PPFIA2: variants seen among roughly 807,000 people sequenced by gnomAD.
PPFIA2 encodes liprin-alpha-2.
PPFIA2 carries 46 observed loss-of-function variants against 175.5 expected under a neutral mutation model. The observed-to-expected ratio is 0.26, with a 90% CI of 0.21 to 0.34. The LOEUF is 0.34. Among genes scored for constraint, PPFIA2 ranks in the 10% least tolerant of loss-of-function variants. PPFIA2 has a pLI of 1.00. For synonymous variants in PPFIA2, 568 were observed against 511.4 expected (o/e 1.11, Z -1.49); for missense variants, 1,179 against 1,506.1 (o/e 0.78, Z 3.60).
At chr12:81,292,527 A>G (rs1050177102) in intron 24 of PPFIA2, 4 of 152,142 alleles carry the variant, frequency 2.6e-5, no homozygotes, top group African/African-American at 9.7e-5. Context: ...AATGAATAGT[A>G]AATATAATTT....
At chr12:81,673,047 TA>T (rs1408165725) in intron 4 of PPFIA2, among the ~76,000 whole-genome samples, 1 of 152,000 alleles carries the variant, frequency 6.6e-6, no homozygotes, top group African/African-American at 2.4e-5. Flanking sequence ...TCACTAAACT[TA>T]ACTCGTATGG....
chr12:81,642,664 T>G (rs570650027), intron 4 of PPFIA2, among the ~76,000 whole-genome samples: 31 of 113,820 alleles, frequency 2.7e-4, no homozygotes, highest in South Asian at 2.8e-4. Context: ...GTATCTATTA[T>G]ATACATACAT....
intron 8 of PPFIA2, among the ~76,000 whole-genome samples, chr12:81,387,027 T>A (rs17008471): frequency 0.35 from 53,409 of 151,728 alleles, 10,173 homozygotes; most frequent in East Asian, 0.53. Context: ...TCAATGCCCC[T>A]TGTATGTCAT....
intron 8 of PPFIA2, among the ~76,000 whole-genome samples, chr12:81,390,384 A>T (rs915195583): frequency 1.3e-5 from 2 of 152,030 alleles, no homozygotes; most frequent in Non-Finnish European, 1.5e-5. Context: ...ACCATTGTAC[A>T]TTCCTACCAG....
intron 4 of PPFIA2, among the ~76,000 whole-genome samples, chr12:81,626,403 A>G (rs940888953): frequency 6.6e-6 from 1 of 152,068 alleles, no homozygotes; most frequent in East Asian, 1.9e-4. Context: ...TCATCCAAAT[A>G]TAATTGCATG....
intron 9 of PPFIA2, among the ~76,000 whole-genome samples, chr12:81,383,432 A>C (rs2038208659): frequency 6.6e-6 from 1 of 152,072 alleles, no homozygotes; most frequent in African/African-American, 2.4e-5. Flanking sequence ...AACATCTCCT[A>C]GTATTTTTTT....
intron 3 of PPFIA2, among the ~76,000 whole-genome samples, chr12:81,705,297 T>C (rs1322788735): frequency 2.1e-5 from 3 of 145,624 alleles, no homozygotes; most frequent in Admixed American, 2.1e-4. Flanking sequence ...TACTAAAGAA[T>C]ACAAAAAAAT....
chr12:81,386,074 A>G (rs1275602554), intron 8 of PPFIA2, among the ~76,000 whole-genome samples: 2 of 151,620 alleles, frequency 1.3e-5, no homozygotes, highest in Admixed American at 1.3e-4. Flanking sequence ...GATGAATTTG[A>G]GACCAGCCTG....
chr12:81,458,572 T>C (rs1006118723), intron 4 of PPFIA2, among the ~76,000 whole-genome samples: 4 of 152,112 alleles, frequency 2.6e-5, no homozygotes, highest in Non-Finnish European at 5.9e-5. Flanking sequence ...TACAAAAAAA[T>C]TGGGGATTCT....
chr12:81,582,296 C>T (rs2074534748), intron 4 of PPFIA2, among the ~76,000 whole-genome samples: 2 of 151,852 alleles, frequency 1.3e-5, no homozygotes, highest in Admixed American at 6.6e-5. Flanking sequence ...TTCTTTTCCT[C>T]AGACTACATA....
At chr12:81,479,916 G>A (rs748812941) in intron 4 of PPFIA2, among the ~76,000 whole-genome samples, 15 of 152,054 alleles carry the variant, frequency 9.9e-5, no homozygotes, top group Non-Finnish European at 2.1e-4. Context: ...GTCTCTTTGT[G>A]TTGTTCTCTG....
At chr12:81,629,687 T>C (rs1447632824) in intron 4 of PPFIA2, among the ~76,000 whole-genome samples, 1 of 152,116 alleles carries the variant, frequency 6.6e-6, no homozygotes, top group African/African-American at 2.4e-5. Context: ...TGAGGACACT[T>C]GTCACAGAAC....
At chr12:81,390,413 A>G (rs2039902217) in intron 8 of PPFIA2, among the ~76,000 whole-genome samples, 1 of 151,968 alleles carries the variant, frequency 6.6e-6, no homozygotes, top group African/African-American at 2.4e-5. Context: ...GAGAGTTCTA[A>G]TTTTCCACAT....
intron 3 of PPFIA2, among the ~76,000 whole-genome samples, chr12:81,745,881 C>A (rs1386700281): frequency 3.3e-5 from 5 of 152,202 alleles, no homozygotes; most frequent in Non-Finnish European, 7.3e-5. Flanking sequence ...TCTCACTTGG[C>A]TAAGGTGAGC....
intron 4 of PPFIA2, among the ~76,000 whole-genome samples, chr12:81,573,339 G>T (rs1294820543): frequency 6.6e-6 from 1 of 151,834 alleles, no homozygotes; most frequent in East Asian, 1.9e-4. Context: ...ATTCTCTGCA[G>T]CGGTGAGAAA....
chr12:81,732,663 GAA>G (rs1051602827), intron 3 of PPFIA2, among the ~76,000 whole-genome samples: 21 of 151,296 alleles, frequency 1.4e-4, no homozygotes, highest in African/African-American at 4.4e-4. Context: ...ATCAAGGAAG[GAA>G]AAAGAGGAAA....
chr12:81,626,879 TACTAC>T (rs2062772803), intron 4 of PPFIA2, among the ~76,000 whole-genome samples: 1 of 152,078 alleles, frequency 6.6e-6, no homozygotes, highest in Non-Finnish European at 1.5e-5. Context: ...AATCATTTTA[TACTAC>T]ACTACCTTGA....
At chr12:81,610,944 T>A (rs1406421766) in intron 4 of PPFIA2, among the ~76,000 whole-genome samples, 1 of 152,158 alleles carries the variant, frequency 6.6e-6, no homozygotes, top group Non-Finnish European at 1.5e-5. Flanking sequence ...ATTTTTGTTG[T>A]GGGTGAATTC....
At chr12:81,652,285 C>T (rs1004368988) in intron 4 of PPFIA2, among the ~76,000 whole-genome samples, 6 of 149,368 alleles carry the variant, frequency 4.0e-5, no homozygotes, top group Admixed American at 2.0e-4. Flanking sequence ...TTGAGGTTTT[C>T]GGCTCATGAA....
Sources: allele counts gnomAD v4.1 joint callset (sites outside exome capture counted in the v4.1 genomes callset), GRCh38; gene constraint gnomAD v4.1.1; transcripts MANE v1.5; gene names NCBI Gene and HGNC (gene_info 2026-07-23, HGNC 2026-07-21).